CAPN7: variants seen among roughly 807,000 people sequenced by gnomAD.
CAPN7 encodes calpain 7.
CAPN7 carries 72 observed loss-of-function variants against 115.2 expected under a neutral mutation model. That is an observed-to-expected ratio of 0.63 (90% CI 0.52 to 0.76). The LOEUF (loss-of-function observed/expected upper bound fraction) is 0.76, where lower values mean the gene tolerates loss of function less well. Ranked by LOEUF, CAPN7 falls within the 30% of genes least tolerant of loss-of-function variation. CAPN7 has a pLI of 0.00. For synonymous variants in CAPN7, 344 were observed against 322.3 expected, an observed-to-expected ratio of 1.07 and a Z score of -0.72; for missense variants, 905 against 971.5, an observed-to-expected ratio of 0.93 and a Z score of 0.91.
chr3:15,241,706 T>G, intron 15 of CAPN7, 118 bp downstream of exon 15: 1 of 734,342 alleles, frequency 1.4e-6, no homozygotes, highest in Non-Finnish European at 2.1e-6. Flanking sequence ...CTGAGAATAG[T>G]GTTTTCTCAG....
chr3:15,241,657 CAT>C, intron 15 of CAPN7, 69 bp downstream of exon 15: 5 of 1,301,234 alleles, frequency 3.8e-6, no homozygotes, highest in Non-Finnish European at 5.4e-6. Flanking sequence ...TTGTGAAAGA[CAT>C]ACGTAAACAC....
chr3:15,212,361 TTAAAAGTCA>T (rs1195115856), intron 2 of CAPN7, 149 bp downstream of exon 2: 7 of 530,720 alleles, frequency 1.3e-5, no homozygotes, highest in African/African-American at 1.2e-4. Flanking sequence ...AATCACCTCT[TTAAAAGTCA>T]TTTAGAAATA....
chr3:15,222,070 CA>C (rs58470950), intron 5 of CAPN7, among the ~76,000 whole-genome samples: 17,732 of 135,292 alleles, frequency 0.13, 1,055 homozygotes, highest in Admixed American at 0.18. Context: ...TTACATGCAT[CA>C]AAAAAAAAAA....
rs754798150 is a variant in CAPN7 at position 15,221,014 on chromosome 3, AT to A, written c.638+37del. 3.2e-6 allele frequency: 5 copies of A among 1,559,266 alleles called. No homozygotes were observed. The Admixed American group carries it at 8.5e-5, about 26-fold the overall frequency. The stretch of plus-strand genomic sequence containing the variant: ...AGTTTACAATTAATTGTAATGAAGA[AT>A]TTTGTTAACATGAATGCAGAATTTT... On this transcript the variant is annotated intron_variant, in intron 5 of 20. Coordinates refer to ENST00000253693, the MANE Select transcript of CAPN7 (RefSeq NM_014296.3).
Position 15,232,589 on chromosome 3 carries a change from G to A in CAPN7, c.1103G>A (p.Ser368Asn). Reference protein sequence around the residue: ...ELLCSYSNNKSELWVSLIEKA... With the variant: ...ELLCSYSNNKNELWVSLIEKA... Reference sequence around the variant, plus strand: ...CTCTGTTCTTATTCCAACAACAAAAGTGAATTATGGGTTTCTCTCATAGAA... The same window carrying A: ...CTCTGTTCTTATTCCAACAACAAAAATGAATTATGGGTTTCTCTCATAGAA... Residue 368 changes from serine to asparagine, a missense_variant, in exon 10 of 21, where the codon AGT becomes AAT. This residue lies in a region of CAPN7 where 620 missense variants were observed against 703.4 expected (regional missense o/e 0.88). Transcript: ENST00000253693. 6.2e-7 allele frequency: 1 copy of A among 1,612,820 alleles called. No individual in the cohort carries two copies. The highest frequency in any genetic ancestry group is 1.1e-5 in the South Asian group (1 of 90,932).
chr3:15,238,849 ATTT>A (rs59838740), intron 12 of CAPN7, among the ~76,000 whole-genome samples: 9 of 114,000 alleles, frequency 7.9e-5, no homozygotes, highest in African/African-American at 1.5e-4. Flanking sequence ...GCAAAATCAA[ATTT>A]TTTTTTTTTT....
rs577506085 is a variant in CAPN7, at chr3:15,244,248, C to A, written c.1865-1278C>A. 5.3e-5 allele frequency among the ~76,000 whole-genome samples: 8 copies of A among 152,278 alleles called. No homozygotes were observed. The East Asian group carries it at 1.5e-3, about 29-fold the overall frequency. On this transcript the variant is annotated intron_variant, in intron 16 of 20. Transcript: ENST00000253693. ...GGCACTGAGTCTTGCTAGTCAATAT[C>A]CCTGCGTTCTGGAATGGGCATGGCA...
intron 4 of CAPN7, among the ~76,000 whole-genome samples, chr3:15,219,005 C>T (rs1559389543): frequency 6.6e-6 from 1 of 152,172 alleles, no homozygotes; most frequent in African/African-American, 2.4e-5. Context: ...TTGAATCTCC[C>T]CCAGCAGTTG....
intron 2 of CAPN7, among the ~76,000 whole-genome samples, chr3:15,216,682 A>C (rs1693621103): frequency 6.6e-6 from 1 of 151,718 alleles, no homozygotes; most frequent in Non-Finnish European, 1.5e-5. Flanking sequence ...TCTGTGCAGA[A>C]AAAAAAGTTT....
chr3:15,247,077 A>G (rs1051886689), intron 18 of CAPN7, among the ~76,000 whole-genome samples: 2 of 152,358 alleles, frequency 1.3e-5, no homozygotes, highest in South Asian at 4.1e-4. Flanking sequence ...GGTGGGCTAC[A>G]TGTATAGAGG....
intron 2 of CAPN7, among the ~76,000 whole-genome samples, 179 bp from the exon 3 acceptor site, chr3:15,217,246 T>TAAA (rs557524108): frequency 7.1e-6 from 1 of 140,096 alleles, no homozygotes; most frequent in African/African-American, 2.6e-5. Flanking sequence ...AGAGCCTGTC[T>TAAA]AAAAAAAAAA....
intron 5 of CAPN7, among the ~76,000 whole-genome samples, chr3:15,222,525 C>A (rs115496425): frequency 2.2e-4 from 33 of 152,286 alleles, no homozygotes; most frequent in African/African-American, 7.2e-4. Flanking sequence ...CTTTCCTTTC[C>A]TGCTGAAGAT....
chr3:15,252,565 A>G lies in CAPN7; in HGVS notation c.*1305A>G, dbSNP rs1696048605. On this transcript the variant is annotated 3_prime_UTR_variant, in exon 21 of 21. Coordinates refer to ENST00000253693, the MANE Select transcript of CAPN7 (RefSeq NM_014296.3). ...AAAAAATCCAGAACATAAGAACTATATTATGAACACATGATTTGAACCTGT... is the reference window on the plus strand; with the variant it reads ...AAAAAATCCAGAACATAAGAACTATGTTATGAACACATGATTTGAACCTGT... The G allele has an allele frequency of 6.6e-6, 1 of 152,192 alleles. No homozygotes were observed. Among genetic ancestry groups the G allele is most frequent in the Non-Finnish European group, 1.5e-5 (1 of 68,018 alleles). The allele number at this position is 152,192 out of a possible 1,614,324, so 9.4% of individuals were successfully genotyped here.
intron 7 of CAPN7, 111 bp downstream of exon 7, chr3:15,228,076 G>T: frequency 1.4e-6 from 1 of 714,388 alleles, no homozygotes; most frequent in Non-Finnish European, 2.0e-6. Context: ...GTACAGAAGT[G>T]TAATTGGAAA....
chr3:15,245,553 T>C lies in CAPN7; in HGVS notation c.1892T>C (p.Ile631Thr). The C allele has an allele frequency of 1.2e-6, 2 of 1,613,786 alleles. No homozygotes were observed. The highest frequency in any genetic ancestry group is 1.7e-6 in the Non-Finnish European group (2 of 1,179,848). Residue 631 changes from isoleucine (I) to threonine (T), a missense_variant, in exon 17 of 21, where the codon ATT becomes ACT. Ile to Thr is a moderately conservative substitution (Grantham distance 89, BLOSUM62 -1). Coordinates refer to ENST00000253693, the MANE Select transcript of CAPN7 (RefSeq NM_014296.3). ...PADPPPYIDG[I>T]RINSPHYLTK... Reference sequence around the variant, plus strand: ...GACCCACCTCCATACATTGATGGAATTCGAATTAACAGCCCTCATTATTTG... The same window carrying C: ...GACCCACCTCCATACATTGATGGAACTCGAATTAACAGCCCTCATTATTTG...
intron 2 of CAPN7, among the ~76,000 whole-genome samples, chr3:15,216,584 A>G (rs888713404): frequency 6.6e-6 from 1 of 152,238 alleles, no homozygotes; most frequent in Non-Finnish European, 1.5e-5. Context: ...TTCAAAGAGC[A>G]ATGAAAATAC....
chr3:15,250,990 A>G lies in CAPN7; in HGVS notation c.2264A>G (p.His755Arg), dbSNP rs1695975042. 2 of 1,613,674 alleles carry G rather than the reference A, an allele frequency of 1.2e-6. No homozygotes were observed. Among genetic ancestry groups the G allele is most frequent in the Non-Finnish European group, 1.7e-6 (2 of 1,179,626 alleles). The stretch of plus-strand genomic sequence containing the variant: ...TCTACTCTAGGAGATCCTGGTCCCC[A>G]TGGCTTTCTGAGGAAATCTAGTGGT... ...TVSTLGDPGPHGFLRKSSGDY... is the reference protein window; with the variant it reads ...TVSTLGDPGPRGFLRKSSGDY... The change falls in exon 20 of 21, where the codon CAT becomes CGT. Residue 755 changes from histidine to arginine, a missense_variant. By Grantham distance (29) the His-to-Arg change is conservative. Around this residue, in one of 3 missense-constraint regions of CAPN7, gnomAD observed 620 missense variants for 703.4 expected, o/e 0.88. Coordinates refer to ENST00000253693, the MANE Select transcript of CAPN7 (RefSeq NM_014296.3).
chr3:15,220,626 G>A (rs1693921869), intron 4 of CAPN7, among the ~76,000 whole-genome samples, 155 bp from the exon 5 acceptor site: 1 of 152,218 alleles, frequency 6.6e-6, no homozygotes, highest in Non-Finnish European at 1.5e-5. Flanking sequence ...TTTGGAAGTA[G>A]CTGAAGTAGT....
intron 1 of CAPN7, among the ~76,000 whole-genome samples, chr3:15,207,604 T>C (rs1488427190): frequency 6.6e-6 from 1 of 152,006 alleles, no homozygotes; most frequent in African/African-American, 2.4e-5. Flanking sequence ...TACACAAACA[T>C]TTTCTTTATA....
Sources: allele counts gnomAD v4.1 joint callset (sites outside exome capture counted in the v4.1 genomes callset), GRCh38; gene constraint gnomAD v4.1.1; regional missense constraint gnomAD v4.1.1; transcripts MANE v1.5; gene names NCBI Gene and HGNC (gene_info 2026-07-23, HGNC 2026-07-21).